The following SGCZ variants were observed in gnomAD, a reference collection of about 807,000 sequenced individuals.
The protein encoded by SGCZ is sarcoglycan zeta, also known as zeta-sarcoglycan.
SGCZ carries 40 observed loss-of-function variants against 41.3 expected under a neutral mutation model. That is an observed-to-expected ratio of 0.97 (90% CI 0.75 to 1.26). SGCZ has a LOEUF of 1.26. Ranked by LOEUF, SGCZ falls within the 50% of genes most tolerant of loss-of-function variation. The pLI, the probability that SGCZ is intolerant of heterozygous loss-of-function variation, is 0.00. For missense variants in SGCZ, 552 were observed against 369.8 expected, an observed-to-expected ratio of 1.49 and a Z score of -4.04; for synonymous variants, 206 against 137.5, an observed-to-expected ratio of 1.50 and a Z score of -3.49.
At chr8:14,358,520 TAAAC>T (rs1453962733) in intron 2 of SGCZ, among the ~76,000 whole-genome samples, 6 of 152,164 alleles carry the variant, frequency 3.9e-5, no homozygotes, top group Non-Finnish European at 8.8e-5. Flanking sequence ...AACTAGTTAT[TAAAC>T]AGGTTATTAA....
intron 7 of SGCZ, among the ~76,000 whole-genome samples, chr8:14,100,511 ATATAT>A (rs752032976): frequency 3.1e-4 from 46 of 147,974 alleles, no homozygotes; most frequent in African/African-American, 6.6e-4. Flanking sequence ...CCTGATATTA[ATATAT>A]TATATTAATA....
At chr8:15,017,239 C>T (rs1803073833) in intron 1 of SGCZ, among the ~76,000 whole-genome samples, 1 of 152,044 alleles carries the variant, frequency 6.6e-6, no homozygotes. Flanking sequence ...AATAATTATT[C>T]CCATATGAGA....
chr8:14,354,113 T>C (rs1236444478), intron 2 of SGCZ, among the ~76,000 whole-genome samples: 1 of 152,058 alleles, frequency 6.6e-6, no homozygotes, highest in Admixed American at 6.6e-5. Flanking sequence ...GTGTTCTACA[T>C]CTGCTTATAA....
At chr8:14,282,122 TCTA>T (rs1800465797) in intron 3 of SGCZ, among the ~76,000 whole-genome samples, 2 of 91,100 alleles carry the variant, frequency 2.2e-5, no homozygotes, top group Non-Finnish European at 4.7e-5. Flanking sequence ...TGACTGCACA[TCTA>T]CTATGTAAAA....
intron 4 of SGCZ, 108 bp downstream of exon 4, chr8:14,237,484 A>AATC: frequency 1.1e-6 from 1 of 889,994 alleles, no homozygotes; most frequent in Non-Finnish European, 1.8e-6. Flanking sequence ...CTCTGTCTCA[A>AATC]AACAACAACA....
At chr8:14,222,836 A>C in intron 4 of SGCZ, among the ~76,000 whole-genome samples, 1 of 96,068 alleles carries the variant, frequency 1.0e-5, no homozygotes, top group African/African-American at 4.4e-5. Context: ...TTTTTGAGGC[A>C]GAGTCTTGCT....
intron 1 of SGCZ, among the ~76,000 whole-genome samples, chr8:15,060,867 G>A (rs74626889): frequency 0.043 from 6,478 of 152,154 alleles, 204 homozygotes; most frequent in South Asian, 0.13. Context: ...GCAATGGCTG[G>A]AGCTCAAATT....
chr8:15,161,323 T>C (rs1799507095), intron 1 of SGCZ, among the ~76,000 whole-genome samples: 1 of 152,184 alleles, frequency 6.6e-6, no homozygotes, highest in Non-Finnish European at 1.5e-5. Flanking sequence ...ATATTTAAAA[T>C]TTCAGCTTTC....
chr8:14,374,534 G>A (rs1287433627), intron 2 of SGCZ, among the ~76,000 whole-genome samples: 2 of 151,940 alleles, frequency 1.3e-5, no homozygotes, highest in Admixed American at 6.6e-5. Flanking sequence ...GAAGATGTTA[G>A]GTGAATAAAG....
At chr8:14,362,254 C>G (rs1803547078) in intron 2 of SGCZ, among the ~76,000 whole-genome samples, 2 of 152,278 alleles carry the variant, frequency 1.3e-5, no homozygotes, top group South Asian at 4.1e-4. Context: ...CTGCAGAAGC[C>G]TTTTGTTCAG....
chr8:14,327,280 G>A (rs1252660230), intron 2 of SGCZ, among the ~76,000 whole-genome samples: 1 of 152,206 alleles, frequency 6.6e-6, no homozygotes, highest in East Asian at 1.9e-4. Flanking sequence ...GTAGATTTAA[G>A]AAGACAGAGA....
At chr8:14,124,510 G>A (rs140506047) in intron 5 of SGCZ, among the ~76,000 whole-genome samples, 1 of 152,126 alleles carries the variant, frequency 6.6e-6, no homozygotes, top group Non-Finnish European at 1.5e-5. Flanking sequence ...AACTAAAATA[G>A]TGCTTCTCAA....
chr8:14,417,122 A>G (rs1799514825), intron 2 of SGCZ, among the ~76,000 whole-genome samples: 1 of 151,840 alleles, frequency 6.6e-6, no homozygotes, highest in Non-Finnish European at 1.5e-5. Flanking sequence ...CTTAGCTGTA[A>G]GAGCCCGTCT....
chr8:14,851,012 C>T (rs1259507859), intron 1 of SGCZ, among the ~76,000 whole-genome samples: 7 of 152,188 alleles, frequency 4.6e-5, no homozygotes, highest in Non-Finnish European at 1.5e-5. Context: ...CAGACTAATA[C>T]AGAGTAATAT....
chr8:14,254,401 G>A (rs908288297), intron 3 of SGCZ, among the ~76,000 whole-genome samples: 2 of 152,190 alleles, frequency 1.3e-5, no homozygotes, highest in Admixed American at 6.5e-5. Flanking sequence ...TGCACTGCTG[G>A]CACTGAGGCC....
At chr8:14,293,593 A>G (rs1800913980) in intron 3 of SGCZ, among the ~76,000 whole-genome samples, 1 of 151,974 alleles carries the variant, frequency 6.6e-6, no homozygotes, top group African/African-American at 2.4e-5. Context: ...GTTTCTAAAT[A>G]AAAAATGTAA....
chr8:14,885,985 TTATATA>T (rs71209089), intron 1 of SGCZ, among the ~76,000 whole-genome samples: 3,986 of 55,428 alleles, frequency 0.072, 137 homozygotes, highest in Middle Eastern at 0.11. Context: ...GGACTTTATG[TTATATA>T]TATATATATA....
chr8:15,120,754 C>T lies in SGCZ; in HGVS notation c.39+116831G>A, dbSNP rs558635645. Among the ~76,000 whole-genome samples the T allele has an allele frequency of 1.8e-3, 272 of 152,246 alleles. 3 individuals carry two copies. The highest frequency in any genetic ancestry group is 4.8e-3 in the African/African-American group (198 of 41,540). Reference sequence around the variant, plus strand: ...CTCTTTTATTTCTACTAGATAATCACAAAATTTTCAAAGGACCATTTTGTT... The same window carrying T: ...CTCTTTTATTTCTACTAGATAATCATAAAATTTTCAAAGGACCATTTTGTT... On this transcript the variant is annotated intron_variant, in intron 1 of 7. Coordinates refer to ENST00000382080, the MANE Select transcript of SGCZ (RefSeq NM_139167.4).
chr8:15,217,358 A>C (rs1416284024), intron 1 of SGCZ, among the ~76,000 whole-genome samples: 1 of 150,482 alleles, frequency 6.6e-6, no homozygotes, highest in African/African-American at 2.4e-5. Flanking sequence ...CGGAGCTTGC[A>C]GTGAGTCGAG....
Sources: allele counts gnomAD v4.1 joint callset (sites outside exome capture counted in the v4.1 genomes callset), GRCh38; gene constraint gnomAD v4.1.1; transcripts MANE v1.5; gene names NCBI Gene and HGNC (gene_info 2026-07-23, HGNC 2026-07-21).